The following XKR4 variants were observed in gnomAD, a reference collection of about 807,000 sequenced individuals.
XKR4 encodes the protein XK-related protein 4.
Under a neutral mutation model 53.9 loss-of-function variants are expected in XKR4, and 12 were observed. That is an observed-to-expected ratio of 0.22 (90% CI 0.14 to 0.36). The LOEUF (loss-of-function observed/expected upper bound fraction) is 0.36. Among genes scored for constraint, XKR4 ranks in the 10% least tolerant of loss-of-function variants. The pLI is 1.00. For missense variants in XKR4, 799 were observed against 859.5 expected, an observed-to-expected ratio of 0.93 and a Z score of 0.88; for synonymous variants, 354 against 362.4, an observed-to-expected ratio of 0.98 and a Z score of 0.26.
At chr8:55,309,317 C>T (rs1456457151) in intron 1 of XKR4, among the ~76,000 whole-genome samples, 1 of 152,202 alleles carries the variant, frequency 6.6e-6, no homozygotes, top group Non-Finnish European at 1.5e-5. Flanking sequence ...TGAAAGATTA[C>T]ATACTATTTG....
intron 2 of XKR4, chr8:55,454,707 A>T (rs2939639): frequency 0.43 from 358,539 of 841,078 alleles, 79,421 homozygotes; most frequent in East Asian, 0.51. Context: ...CGTGGACGGC[A>T]TAGATGAGGC....
At chr8:55,281,993 G>A (rs1020738985) in intron 1 of XKR4, among the ~76,000 whole-genome samples, 2 of 152,208 alleles carry the variant, frequency 1.3e-5, no homozygotes, top group East Asian at 1.9e-4. Flanking sequence ...GTCAGTGGAA[G>A]CAACAAAGTA....
At chr8:55,486,542 A>G (rs1307132556) in intron 2 of XKR4, among the ~76,000 whole-genome samples, 1 of 152,270 alleles carries the variant, frequency 6.6e-6, no homozygotes, top group Non-Finnish European at 1.5e-5. Context: ...CAAAGATGAT[A>G]TATATGGCAT....
chr8:55,494,957 G>C (rs112164497), intron 2 of XKR4, among the ~76,000 whole-genome samples: 7 of 152,288 alleles, frequency 4.6e-5, no homozygotes, highest in African/African-American at 1.4e-4. Context: ...CTTCCACCCA[G>C]GAACCTGTCT....
chr8:55,320,301 T>C (rs1803186242), intron 1 of XKR4, among the ~76,000 whole-genome samples: 1 of 152,192 alleles, frequency 6.6e-6, no homozygotes, highest in Admixed American at 6.5e-5. Flanking sequence ...AGACCTCACC[T>C]GTTAGGCTCA....
intron 2 of XKR4, among the ~76,000 whole-genome samples, chr8:55,485,074 A>T (rs191657151): frequency 6.6e-6 from 1 of 152,390 alleles, no homozygotes; most frequent in East Asian, 1.9e-4. Context: ...TCCATTCATG[A>T]TAAAAATTCT....
chr8:55,425,423 A>G (rs1804997657), intron 2 of XKR4, among the ~76,000 whole-genome samples: 2 of 151,056 alleles, frequency 1.3e-5, no homozygotes, highest in African/African-American at 2.4e-5. Context: ...AGCCTCTCTC[A>G]TCATCTCGAT....
At chr8:55,228,748 A>G (rs1022940045) in intron 1 of XKR4, among the ~76,000 whole-genome samples, 4 of 152,128 alleles carry the variant, frequency 2.6e-5, no homozygotes, top group Admixed American at 6.5e-5. Context: ...CGCCATGTCT[A>G]TATTCTTCAT....
chr8:55,188,327 T>C (rs546545690), intron 1 of XKR4, among the ~76,000 whole-genome samples: 16 of 152,324 alleles, frequency 1.1e-4, no homozygotes, highest in African/African-American at 3.8e-4. Flanking sequence ...TCCTTTATAA[T>C]GGTGGGAATT....
intron 2 of XKR4, among the ~76,000 whole-genome samples, chr8:55,422,262 A>G (rs1001603883): frequency 2.0e-5 from 3 of 152,264 alleles, no homozygotes; most frequent in Non-Finnish European, 4.4e-5. Context: ...AAAGTTGAAA[A>G]GTACACAGCT....
chr8:55,190,181 A>G (rs1817426850), intron 1 of XKR4, among the ~76,000 whole-genome samples: 1 of 152,126 alleles, frequency 6.6e-6, no homozygotes, highest in Non-Finnish European at 1.5e-5. Flanking sequence ...TTCTTTTCCT[A>G]AGCATGTGGG....
At chr8:55,351,044 G>A (rs762690251) in intron 1 of XKR4, among the ~76,000 whole-genome samples, 1 of 152,098 alleles carries the variant, frequency 6.6e-6, no homozygotes. Flanking sequence ...CCCAGCCAGT[G>A]TTTCCATTTT....
chr8:55,224,618 C>T (rs571458908), intron 1 of XKR4, among the ~76,000 whole-genome samples: 8 of 152,158 alleles, frequency 5.3e-5, no homozygotes, highest in East Asian at 3.9e-4. Flanking sequence ...TTCAATATTT[C>T]GGGATAAAAA....
At chr8:55,165,272 C>G (rs1396113265) in intron 1 of XKR4, among the ~76,000 whole-genome samples, 1 of 151,876 alleles carries the variant, frequency 6.6e-6, no homozygotes, top group Non-Finnish European at 1.5e-5. Flanking sequence ...AAAGAGGAAC[C>G]AGGGCTAATC....
At chr8:55,257,673 G>T (rs1818458406) in intron 1 of XKR4, among the ~76,000 whole-genome samples, 1 of 152,106 alleles carries the variant, frequency 6.6e-6, no homozygotes, top group Admixed American at 6.5e-5. Context: ...TCATGGGTTT[G>T]CATTTTAAAC....
chr8:55,517,030 AG>A (rs1806722977), intron 2 of XKR4, among the ~76,000 whole-genome samples: 2 of 152,194 alleles, frequency 1.3e-5, no homozygotes, highest in Admixed American at 1.3e-4. Flanking sequence ...CAGAAAGAGG[AG>A]GTCAAATACC....
chr8:55,177,031 C>T (rs1207433588), intron 1 of XKR4, among the ~76,000 whole-genome samples: 1 of 151,394 alleles, frequency 6.6e-6, no homozygotes, highest in Non-Finnish European at 1.5e-5. Context: ...GTCTACCCTT[C>T]TTCTTCTTCT....
chr8:55,430,510 A>G (rs77412667), intron 2 of XKR4, among the ~76,000 whole-genome samples: 124 of 152,332 alleles, frequency 8.1e-4, no homozygotes, highest in African/African-American at 2.9e-3. Flanking sequence ...CCAGAGGGTA[A>G]ATATGGGGTA....
chr8:55,512,870 A>G (rs1420360277), intron 2 of XKR4, among the ~76,000 whole-genome samples: 1 of 152,066 alleles, frequency 6.6e-6, no homozygotes, highest in Non-Finnish European at 1.5e-5. Context: ...CTTCCTCTCT[A>G]CCTGGTAGGC....
Sources: allele counts gnomAD v4.1 joint callset (sites outside exome capture counted in the v4.1 genomes callset), GRCh38; gene constraint gnomAD v4.1.1; transcripts MANE v1.5; gene names NCBI Gene and HGNC (gene_info 2026-07-23, HGNC 2026-07-21).